Variants in NEK6 observed in about 807,000 individuals in gnomAD.
NEK6 encodes the protein NIMA related kinase 6.
In NEK6, 27 loss-of-function variants were observed where a neutral mutation model predicts 43.5. The observed-to-expected ratio is 0.62, with a 90% CI of 0.46 to 0.86. The LOEUF is 0.86. Ranked by LOEUF, NEK6 falls within the 40% of genes least tolerant of loss-of-function variation. The pLI is 0.00. For missense variants in NEK6, 318 were observed against 414.4 expected (o/e 0.77, Z 2.02); for synonymous variants, 167 against 164.1 (o/e 1.02, Z -0.14).
chr9:124,267,422 AGT>A (rs1333426134), intron 1 of NEK6, among the ~76,000 whole-genome samples: 2 of 152,186 alleles, frequency 1.3e-5, no homozygotes, highest in Admixed American at 6.5e-5. Context: ...GGACTGAGTC[AGT>A]GTGTGTACAT....
intron 1 of NEK6, among the ~76,000 whole-genome samples, chr9:124,260,879 T>C (rs1278764360): frequency 2.0e-5 from 3 of 152,200 alleles, no homozygotes; most frequent in Admixed American, 2.0e-4. Context: ...CAGAGCTGGA[T>C]TTGAACCCAG....
chr9:124,317,157 A>C (rs1053991885), intron 4 of NEK6, among the ~76,000 whole-genome samples: 1 of 152,238 alleles, frequency 6.6e-6, no homozygotes, highest in Non-Finnish European at 1.5e-5. Flanking sequence ...AAACATGTCT[A>C]TGGAGCATGA....
At chr9:124,266,919 A>C (rs1564612757) in intron 1 of NEK6, among the ~76,000 whole-genome samples, 1 of 152,176 alleles carries the variant, frequency 6.6e-6, no homozygotes, top group Non-Finnish European at 1.5e-5. Flanking sequence ...TCCAATGAGG[A>C]GGAACCTAAG....
chr9:124,280,006 G>T (rs1232960242), intron 1 of NEK6, among the ~76,000 whole-genome samples: 1 of 152,266 alleles, frequency 6.6e-6, no homozygotes, highest in Non-Finnish European at 1.5e-5. Flanking sequence ...CTCAAAAAGG[G>T]AATGGAGGCC....
rs1369451980 is a variant in NEK6 at position 124,326,436 on chromosome 9, G to A, written c.512G>A (p.Arg171Gln). The change falls in exon 6 of 10, where the codon CGA (arginine) becomes CAA (glutamine). Residue 171 changes from arginine (R) to glutamine (Q), a missense_variant and splice_region_variant. By Grantham distance (43) the Arg-to-Gln change is conservative. This residue lies in a region of NEK6 where 239 missense variants were observed against 344.4 expected (regional missense o/e 0.69). Coordinates refer to ENST00000320246, the MANE Select transcript of NEK6 (RefSeq NM_014397.6). This position sits in a 1 kb window ranked among gnomAD's most constrained non-coding sequence, Gnocchi z 4.5. ...EHMHSRRVMH[R>Q]DIKPANVFIT... ...ATGCATTCACGCCGGGTGATGCACC[G>A]AGGTACGTGCCACCCGCCAGGAGCC... 1.2e-6 allele frequency: 2 copies of A among 1,605,488 alleles called. No homozygotes were observed.
At chr9:124,313,864 C>G in intron 3 of NEK6, 59 bp from the exon 4 acceptor site, 1 of 1,594,010 alleles carries the variant, frequency 6.3e-7, no homozygotes, top group Admixed American at 1.7e-5. Context: ...CCGTGGCCTC[C>G]TTTGGGTCAC....
chr9:124,327,364 A>G lies in NEK6; in HGVS notation c.541A>G (p.Thr181Ala). 1 of 1,613,706 alleles carries G rather than the reference A, an allele frequency of 6.2e-7. No homozygotes were observed. The highest frequency in any genetic ancestry group is 8.5e-7 in the Non-Finnish European group (1 of 1,179,960). The change falls in exon 7 of 10, where the codon ACA (threonine) becomes GCA (alanine). Residue 181 changes from threonine to alanine, a missense_variant. Physicochemically the swap from Thr to Ala is moderately conservative, Grantham distance 58 (BLOSUM62 0). Around this residue, in one of 2 missense-constraint regions of NEK6, gnomAD observed 239 missense variants for 344.4 expected, o/e 0.69. Transcript: ENST00000320246. ...CATCAAGCCTGCCAACGTGTTCATC[A>G]CAGCCACGGGCGTCGTGAAGCTCGG... ...RDIKPANVFITATGVVKLGDL... is the reference protein window; with the variant it reads ...RDIKPANVFIAATGVVKLGDL...
rs1248157078 is a variant in NEK6, at chr9:124,301,159, C to T, written c.-29-777C>T. Among the ~76,000 whole-genome samples, 4 of 152,208 alleles carry T rather than the reference C, an allele frequency of 2.6e-5. No individual in the cohort carries two copies. The East Asian group carries it at 7.7e-4, about 29-fold the overall frequency. On this transcript the variant is annotated intron_variant, in intron 1 of 9. Transcript: ENST00000320246. ...CAGGTTCTATGCACATAACCTCAGA[C>T]CCTGCCCCAGAAGCACTTGTCTGAT... is the stretch of plus-strand genomic sequence containing the variant.
At chr9:124,299,607 G>T (rs576095755) in intron 1 of NEK6, among the ~76,000 whole-genome samples, 56 of 152,158 alleles carry the variant, frequency 3.7e-4, no homozygotes, top group Non-Finnish European at 7.3e-4. Context: ...TGAGGGCTTG[G>T]CAGGGAGAGC....
rs983487853 is a variant in NEK6 at position 124,292,577 on chromosome 9, G to A, written c.-29-9359G>A. 2.3e-5 allele frequency: 35 copies of A among 1,536,244 alleles called. No homozygotes were observed. In the Admixed American group the frequency reaches 3.5e-4, roughly 16 times the overall value. ...CAAACACCGAAGCCCTCCAGCCCCC[G>A]GGGCTGTTCCACTTGGTCCTTCTTC... On this transcript the variant is annotated intron_variant, in intron 1 of 9. Coordinates refer to ENST00000320246, the MANE Select transcript of NEK6 (RefSeq NM_014397.6).
At chr9:124,292,760 A>G in intron 1 of NEK6, 1 of 1,254,162 alleles carries the variant, frequency 8.0e-7, no homozygotes, top group Non-Finnish European at 1.1e-6. Flanking sequence ...TGAGTCAGCA[A>G]CCAGTTACCC....
chr9:124,306,451 C>T (rs904974127), intron 2 of NEK6, among the ~76,000 whole-genome samples: 3 of 152,194 alleles, frequency 2.0e-5, no homozygotes, highest in East Asian at 1.9e-4. Flanking sequence ...CCACGGAGTG[C>T]GGTGCAGACG....
chr9:124,321,987 C>T (rs1460156917), intron 5 of NEK6, among the ~76,000 whole-genome samples: 1 of 152,212 alleles, frequency 6.6e-6, no homozygotes, highest in African/African-American at 2.4e-5. Context: ...GGGGCAGCAC[C>T]CCGTTTGGTC....
intron 2 of NEK6, among the ~76,000 whole-genome samples, chr9:124,307,741 G>A (rs1833328254): frequency 6.6e-6 from 1 of 152,216 alleles, no homozygotes; most frequent in Admixed American, 6.5e-5. Flanking sequence ...CTCTTGCCTA[G>A]CATGGTCCCT....
At chr9:124,339,436 G>T in intron 7 of NEK6, 135 bp from the exon 8 acceptor site, 2 of 702,052 alleles carry the variant, frequency 2.8e-6, no homozygotes, top group South Asian at 3.2e-5. Context: ...CAGGCCCAGA[G>T]AGGGAGAAGG....
chr9:124,264,814 C>CAAA (rs372219790), intron 1 of NEK6, among the ~76,000 whole-genome samples: 88 of 88,580 alleles, frequency 9.9e-4, no homozygotes, highest in Non-Finnish European at 1.3e-3. Context: ...GACTCTGTAT[C>CAAA]AAAAAAAAAA....
intron 1 of NEK6, among the ~76,000 whole-genome samples, chr9:124,267,369 C>T (rs1454880240): frequency 3.3e-5 from 5 of 152,080 alleles, no homozygotes; most frequent in Non-Finnish European, 5.9e-5. Flanking sequence ...TCGAGTCCGC[C>T]TGGATTCAGT....
At chr9:124,295,836 G>A (rs1240482176) in intron 1 of NEK6, among the ~76,000 whole-genome samples, 1 of 152,246 alleles carries the variant, frequency 6.6e-6, no homozygotes. Context: ...GCTCAGTCTG[G>A]CTGGTCTGAG....
At chr9:124,267,507 C>A (rs1490247682) in intron 1 of NEK6, among the ~76,000 whole-genome samples, 1 of 152,250 alleles carries the variant, frequency 6.6e-6, no homozygotes, top group Non-Finnish European at 1.5e-5. Context: ...CCTTACCTAA[C>A]CCAAGAGGAA....
Sources: gnomAD v4.1 joint callset for allele counts (sites outside exome capture counted in the v4.1 genomes callset) on GRCh38, gnomAD v4.1.1 for gene constraint, gnomAD v4.1.1 regional missense constraint, Gnocchi (gnomAD v3.1) non-coding constraint, MANE v1.5 for transcripts, NCBI Gene and HGNC (gene_info 2026-07-23, HGNC 2026-07-21) for gene names.